LMNA: variants seen among roughly 807,000 people sequenced by gnomAD.
The protein encoded by LMNA is lamin A/C.
LMNA carries 20 observed loss-of-function variants against 70.4 expected under a neutral mutation model. The ratio of observed to expected loss-of-function variants is 0.28; its 90% confidence interval spans 0.20 to 0.41. The LOEUF (loss-of-function observed/expected upper bound fraction) is 0.41, where lower values mean the gene tolerates loss of function less well. LMNA is among the 10% of genes least tolerant of loss of function. LMNA has a pLI of 1.00. For missense variants in LMNA, 652 were observed against 917.2 expected (o/e 0.71, Z 3.73); for synonymous variants, 339 against 372.8 (o/e 0.91, Z 1.04).
upstream of LMNA, among the ~76,000 whole-genome samples, chr1:156,111,524 C>T (rs536284051): frequency 7.9e-5 from 12 of 152,246 alleles, no homozygotes; most frequent in African/African-American, 2.6e-4. Context: ...CATGCATGCT[C>T]CAGCTCCCAG....
chr1:156,139,923 G>A lies in LMNA; in HGVS notation c.*817G>A. On this transcript the variant is annotated 3_prime_UTR_variant, in exon 12 of 12. Transcript: ENST00000368300. ...GGGAGGAGGGAGAGGGAGGTCACTG[G>A]AAAGGGGAGAGCCTGCTGGCACCCA... 1.6e-6 allele frequency: 2 copies of A among 1,264,200 alleles called. No individual in the cohort carries two copies. Among genetic ancestry groups the A allele is most frequent in the Non-Finnish European group, 2.1e-6 (2 of 947,676 alleles). The allele number at this position is 1,264,200 out of a possible 1,614,324, so 78.3% of individuals were successfully genotyped here. A position where few individuals can be genotyped will look rare whatever the true frequency, so the allele number is the denominator to read the frequency against.
Position 156,115,251 on chromosome 1 carries a change from G to A in LMNA, c.333G>A (p.Glu111=). ...RLQLELSKVR[E]EFKELKARNT... ...AGCTGGAGCTGAGCAAAGTGCGTGA[G>A]GAGTTTAAGGAGCTGAAAGCGCGGT... Residue 111 remains glutamate, a synonymous_variant, in exon 1 of 12, where the codon GAG becomes GAA. Coordinates refer to ENST00000368300, the MANE Select transcript of LMNA (RefSeq NM_170707.4). This position sits in a 1 kb window ranked among gnomAD's most constrained non-coding sequence, Gnocchi z 5.8. 1 of 1,610,572 alleles carries A rather than the reference G, an allele frequency of 6.2e-7. No homozygotes were observed. The highest frequency in any genetic ancestry group is 1.1e-5 in the South Asian group (1 of 90,930).
Position 156,138,243 on chromosome 1 carries a change from A to G in LMNA, c.1699-245A>G. On this transcript the variant is annotated intron_variant, in intron 10 of 11. Coordinates refer to ENST00000368300, the MANE Select transcript of LMNA (RefSeq NM_170707.4). The surrounding 1 kb of genome is among the most constrained non-coding windows in gnomAD (Gnocchi z 5.5). ...CTCTTAAGCTCAGAGTAGCTAGAAC[A>G]GAGTCAGAGTCACTGCTCTGGTTCT... 1 of 594,274 alleles carries G rather than the reference A, an allele frequency of 1.7e-6. No homozygotes were observed. The highest frequency in any genetic ancestry group is 3.0e-6 in the Non-Finnish European group (1 of 333,916). The allele number at this position is 594,274 out of a possible 1,614,324, so 36.8% of individuals were successfully genotyped here.
rs550536529 is a variant in LMNA, at chr1:156,117,423, C to T, written c.356+2149C>T. Among the ~76,000 whole-genome samples the T allele has an allele frequency of 4.2e-4, 62 of 146,786 alleles. No homozygotes were observed. The Middle Eastern group carries it at 0.011, about 27-fold the overall frequency. On this transcript the variant is annotated intron_variant, in intron 1 of 11. Coordinates refer to ENST00000368300, the MANE Select transcript of LMNA (RefSeq NM_170707.4). ...CTACTTTTTATATTTTTAGTAGAGA[C>T]GGGGTTTCACCATGTTGGCCAGGGT...
At position 156,139,787 on chromosome 1, in the gene LMNA, G is replaced by A. The variant is rs1236241912; in HGVS notation, c.*681G>A. Reference sequence around the variant, plus strand: ...TTATTTAGACAAGAGATGGGAATGAGGTGGGAGGTGGAAGAAGGGAGAAGA... The same window carrying A: ...TTATTTAGACAAGAGATGGGAATGAAGTGGGAGGTGGAAGAAGGGAGAAGA... On this transcript the variant is annotated 3_prime_UTR_variant, in exon 12 of 12. Coordinates refer to ENST00000368300, the MANE Select transcript of LMNA (RefSeq NM_170707.4). The A allele has an allele frequency of 2.6e-6, 4 of 1,534,106 alleles. No individual in the cohort carries two copies. Among genetic ancestry groups the A allele is most frequent in the East Asian group, 2.4e-5 (1 of 40,850 alleles).
chr1:156,109,162 A>C (rs1373827439), intron 3 of LMNA, among the ~76,000 whole-genome samples: 1 of 151,616 alleles, frequency 6.6e-6, no homozygotes, highest in Non-Finnish European at 1.5e-5. Context: ...CTAATAATAA[A>C]GGTAGTCCAT....
At chr1:156,097,904 C>T (rs560196755) in intron 3 of LMNA, among the ~76,000 whole-genome samples, 6 of 152,214 alleles carry the variant, frequency 3.9e-5, no homozygotes, top group Non-Finnish European at 5.9e-5. Flanking sequence ...CCACCGTTTT[C>T]TCTCTGCCCT....
chr1:156,116,811 G>T (rs531503072), intron 1 of LMNA, among the ~76,000 whole-genome samples: 1 of 152,090 alleles, frequency 6.6e-6, no homozygotes, highest in Non-Finnish European at 1.5e-5. Flanking sequence ...TGATCCACCC[G>T]CCTCAGCCTC....
At chr1:156,116,338 C>G (rs1199465714) in intron 1 of LMNA, among the ~76,000 whole-genome samples, 1 of 150,678 alleles carries the variant, frequency 6.6e-6, no homozygotes, top group African/African-American at 2.4e-5. Flanking sequence ...ACCCCTGCCC[C>G]ACCCTACCCC....
At chr1:156,086,900 C>G (rs1227561508) in intron 2 of LMNA, among the ~76,000 whole-genome samples, 1 of 152,200 alleles carries the variant, frequency 6.6e-6, no homozygotes, top group Non-Finnish European at 1.5e-5. Context: ...CTTGGCCTCC[C>G]AAAGTACTGG....
chr1:156,139,098 A>G lies in LMNA; in HGVS notation c.1987A>G (p.Ile663Val), dbSNP rs781516147. Residue 663 changes from isoleucine (I) to valine (V), a missense_variant, in exon 12 of 12, where the codon ATC becomes GTC. By Grantham distance (29) the Ile-to-Val change is conservative. This residue lies in a region of LMNA where 327 missense variants were observed against 387.6 expected (regional missense o/e 0.84). Transcript: ENST00000368300. ...PRTQSPQNCS[I>V]M ...CTCTTAGAGCCCCCAGAACTGCAGC[A>G]TCATGTAATCTGGGACCTGCCAGGC... 1 of 1,613,696 alleles carries G rather than the reference A, an allele frequency of 6.2e-7. No individual in the cohort carries two copies. The highest frequency in any genetic ancestry group is 8.5e-7 in the Non-Finnish European group (1 of 1,179,912).
chr1:156,088,681 G>A (rs577416445), intron 2 of LMNA, among the ~76,000 whole-genome samples: 2 of 152,240 alleles, frequency 1.3e-5, no homozygotes, highest in South Asian at 2.1e-4. Flanking sequence ...ACGGAGTCTC[G>A]CTCTGTTGCC....
In LMNA at chr1:156,136,190, C is replaced by A. The variant is rs1651594699; in HGVS notation, c.1158-24C>A. On this transcript the variant is annotated intron_variant, in intron 6 of 11. Coordinates refer to ENST00000368300, the MANE Select transcript of LMNA (RefSeq NM_170707.4). This position sits in a 1 kb window ranked among gnomAD's most constrained non-coding sequence, Gnocchi z 6.1. ...GCCGGCAACTGGCCTTGACTAGACC[C>A]CCACTTGGTCTCCCTCTCCCCAGGC... 1 of 1,612,258 alleles carries A rather than the reference C, an allele frequency of 6.2e-7. No individual in the cohort carries two copies. Among genetic ancestry groups the A allele is most frequent in the South Asian group, 1.1e-5 (1 of 91,068 alleles).
chr1:156,110,043 A>C (rs1277554304), upstream of LMNA, among the ~76,000 whole-genome samples: 1 of 151,634 alleles, frequency 6.6e-6, no homozygotes, highest in Non-Finnish European at 1.5e-5. Context: ...GGGTTTCACT[A>C]TGTTGGCCAG....
intron 3 of LMNA, among the ~76,000 whole-genome samples, chr1:156,108,496 G>A (rs1448957435): frequency 5.3e-5 from 8 of 152,140 alleles, no homozygotes. Context: ...AGTTCTGGCT[G>A]GGCGTGGTGG....
At chr1:156,113,175 G>A (rs1311907779), upstream of LMNA, among the ~76,000 whole-genome samples, 2 of 151,938 alleles carry the variant, frequency 1.3e-5, no homozygotes, top group Admixed American at 1.3e-4. Flanking sequence ...TTGGTGGCAG[G>A]TGCCTATAAT....
chr1:156,090,805 G>T (rs1447021603), intron 3 of LMNA, among the ~76,000 whole-genome samples: 1 of 152,236 alleles, frequency 6.6e-6, no homozygotes, highest in Admixed American at 6.5e-5. Context: ...AGACTTGCTG[G>T]TTGAGCAGGT....
In LMNA at chr1:156,137,646, C is replaced by G. The variant is rs879253917; in HGVS notation, c.1609-8C>G. The G allele has an allele frequency of 6.4e-7, 1 of 1,551,772 alleles. No homozygotes were observed. The highest frequency in any genetic ancestry group is 2.0e-5 in the Admixed American group (1 of 51,014). On this transcript the variant is annotated splice_polypyrimidine_tract_variant and splice_region_variant and intron_variant, in intron 9 of 11. Transcript: ENST00000368300. The surrounding 1 kb of genome is among the most constrained non-coding windows in gnomAD (Gnocchi z 4.6). ...TGACCCTTGGACCTGGTTCCATGTC[C>G]CCACCAGGAAGTGGCCATGCGCAAG... is the stretch of plus-strand genomic sequence containing the variant.
At position 156,138,854 on chromosome 1, in the gene LMNA, C is replaced by G. The variant is rs1651890446; in HGVS notation, c.1968+97C>G. On this transcript the variant is annotated intron_variant, in intron 11 of 11. Transcript: ENST00000368300. This position sits in a 1 kb window ranked among gnomAD's most constrained non-coding sequence, Gnocchi z 5.5. Reference sequence around the variant, plus strand: ...CCTTGCAGGGGGGAGAGCCTGCCTTCTCTTCCGCAGCCCGGGGGAGTGGGA... The same window carrying G: ...CCTTGCAGGGGGGAGAGCCTGCCTTGTCTTCCGCAGCCCGGGGGAGTGGGA... 6.6e-7 allele frequency: 1 copy of G among 1,512,548 alleles called. No homozygotes were observed. The highest frequency in any genetic ancestry group is 1.4e-5 in the African/African-American group (1 of 72,416). 93.7% of individuals were successfully genotyped at this position (1,512,548 alleles called of 1,614,324 possible). A position where few individuals can be genotyped will look rare whatever the true frequency, so the allele number is the denominator to read the frequency against.
Sources: gnomAD v4.1 joint callset for allele counts (sites outside exome capture counted in the v4.1 genomes callset) on GRCh38, gnomAD v4.1.1 for gene constraint, gnomAD v4.1.1 regional missense constraint, Gnocchi (gnomAD v3.1) non-coding constraint, MANE v1.5 for transcripts, NCBI Gene and HGNC (gene_info 2026-07-23, HGNC 2026-07-21) for gene names.